GABRG3: variants seen among roughly 807,000 people sequenced by gnomAD.
The protein encoded by GABRG3 is gamma-aminobutyric acid receptor subunit gamma-3.
In GABRG3, 25 loss-of-function variants were observed where a neutral mutation model predicts 48.8. The observed-to-expected ratio is 0.51, with a 90% CI of 0.37 to 0.72. The LOEUF is 0.72. Ranked by LOEUF, GABRG3 falls within the 30% of genes least tolerant of loss-of-function variation. GABRG3 has a pLI of 0.00. For missense variants in GABRG3, 394 were observed against 577.9 expected, an observed-to-expected ratio of 0.68 and a Z score of 3.26; for synonymous variants, 227 against 217.6, an observed-to-expected ratio of 1.04 and a Z score of -0.38.
intron 3 of GABRG3, among the ~76,000 whole-genome samples, chr15:27,144,508 C>T (rs1033092534): frequency 6.6e-6 from 1 of 151,248 alleles, no homozygotes; most frequent in African/African-American, 2.4e-5. Flanking sequence ...TTGTTGAAAA[C>T]TATTTGTCAC....
rs555701224 is a variant in GABRG3 at position 27,520,975 on chromosome 15, A to G, written c.865+851A>G. ...AATTAGCCTGTAATATCCTCTACCT[A>G]TACTAGATTTGCATGCTTATAGAAA... On this transcript the variant is annotated intron_variant, in intron 7 of 9. Coordinates refer to ENST00000615808, the MANE Select transcript of GABRG3 (RefSeq NM_033223.5). 2.6e-5 allele frequency among the ~76,000 whole-genome samples: 4 copies of G among 152,102 alleles called. No homozygotes were observed. The South Asian group carries it at 8.3e-4, about 32-fold the overall frequency.
rs1595742459 is a variant in GABRG3, at chr15:27,419,972, A to G, written c.575-60678A>G. Among the ~76,000 whole-genome samples the G allele has an allele frequency of 4.6e-5, 7 of 152,376 alleles. No homozygotes were observed. In the South Asian group the frequency reaches 1.0e-3, roughly 23 times the overall value. On this transcript the variant is annotated intron_variant, in intron 5 of 9. Transcript: ENST00000615808. ...AATGTTTGATTTTTTAAAAAAAATC[A>G]TAATCTGTTTTCCACTAACTTAAAC...
At chr15:27,198,685 A>G (rs1238271620) in intron 3 of GABRG3, among the ~76,000 whole-genome samples, 1 of 152,210 alleles carries the variant, frequency 6.6e-6, no homozygotes, top group East Asian at 1.9e-4. Context: ...TGCTATAAAG[A>G]TACATGCACA....
chr15:27,055,690 T>C (rs1315617773), intron 3 of GABRG3, among the ~76,000 whole-genome samples: 2 of 152,204 alleles, frequency 1.3e-5, no homozygotes, highest in South Asian at 2.1e-4. Context: ...AGATATTTCA[T>C]TATCTGTATG....
At chr15:26,982,271 C>G (rs1364689569) in intron 2 of GABRG3, among the ~76,000 whole-genome samples, 1 of 152,176 alleles carries the variant, frequency 6.6e-6, no homozygotes, top group Non-Finnish European at 1.5e-5. Context: ...CAAAGATACC[C>G]AAGACTGGTT....
intron 6 of GABRG3, among the ~76,000 whole-genome samples, chr15:27,489,945 C>A (rs77527938): frequency 1.3e-5 from 2 of 152,170 alleles, no homozygotes; most frequent in African/African-American, 4.8e-5. Flanking sequence ...AAGTCTTTGC[C>A]CATGCCTATG....
At chr15:27,300,779 A>G (rs898358408) in intron 3 of GABRG3, among the ~76,000 whole-genome samples, 5 of 151,854 alleles carry the variant, frequency 3.3e-5, no homozygotes, top group Admixed American at 3.3e-4. Context: ...AGCAGCTGGA[A>G]ATTTTAGAAA....
At chr15:27,511,300 G>A (rs769420711) in intron 6 of GABRG3, among the ~76,000 whole-genome samples, 58 of 152,228 alleles carry the variant, frequency 3.8e-4, no homozygotes, top group Non-Finnish European at 6.6e-4. Context: ...GTATATGTGT[G>A]TGAGAGCTGG....
Position 27,347,992 on chromosome 15 carries a change from T to C in GABRG3, c.574+19104T>C, listed in dbSNP as rs141098891. On this transcript the variant is annotated intron_variant, in intron 5 of 9. Transcript: ENST00000615808. ...CATTGTAAGGATGAGTGTGACAACC[T>C]TCAAGCTTTTTTTCATATTAGATTT... 5.3e-3 allele frequency among the ~76,000 whole-genome samples: 810 copies of C among 152,068 alleles called. 7 individuals carry two copies. The highest frequency in any genetic ancestry group is 0.019 in the African/African-American group (769 of 41,438).
At chr15:27,462,380 C>T (rs748465172) in intron 5 of GABRG3, among the ~76,000 whole-genome samples, 3 of 152,116 alleles carry the variant, frequency 2.0e-5, no homozygotes, top group East Asian at 3.8e-4. Context: ...CAATAAATAA[C>T]CGGAACTCTG....
At chr15:27,084,710 G>A (rs751769552) in intron 3 of GABRG3, among the ~76,000 whole-genome samples, 94 of 152,212 alleles carry the variant, frequency 6.2e-4, no homozygotes, top group Non-Finnish European at 1.1e-3. Context: ...TAGGAAAACC[G>A]TCCTCAGCCA....
chr15:27,236,445 G>A lies in GABRG3; in HGVS notation c.271-90364G>A, dbSNP rs749130064. Among the ~76,000 whole-genome samples, 6 of 152,156 alleles carry A rather than the reference G, an allele frequency of 3.9e-5. No homozygotes were observed. Among genetic ancestry groups the A allele is most frequent in the Admixed American group, 6.5e-5 (1 of 15,280 alleles). On this transcript the variant is annotated intron_variant, in intron 3 of 9. Coordinates refer to ENST00000615808, the MANE Select transcript of GABRG3 (RefSeq NM_033223.5). This position sits in a 1 kb window ranked among gnomAD's most constrained non-coding sequence, Gnocchi z 4.4. ...CATGACAGGACAGGAGGTAGGACACGCCTCAGTGTACCCTTCCTCAGTAAC... is the reference window on the plus strand; with the variant it reads ...CATGACAGGACAGGAGGTAGGACACACCTCAGTGTACCCTTCCTCAGTAAC...
At chr15:27,073,789 G>C (rs6606869) in intron 3 of GABRG3, among the ~76,000 whole-genome samples, 31,264 of 152,026 alleles carry the variant, frequency 0.21, 3,326 homozygotes, top group Middle Eastern at 0.26. Flanking sequence ...GGAGATTGGG[G>C]TGTCGGCCCT....
chr15:27,272,657 G>T (rs1333927174), intron 3 of GABRG3, among the ~76,000 whole-genome samples: 1 of 152,110 alleles, frequency 6.6e-6, no homozygotes, highest in Non-Finnish European at 1.5e-5. Context: ...CACCATTCCA[G>T]CCACCTCTGA....
In GABRG3 at chr15:27,309,849, A is replaced by G. The variant is rs117074384; in HGVS notation, c.271-16960A>G. Among the ~76,000 whole-genome samples, 411 of 152,216 alleles carry G rather than the reference A, an allele frequency of 2.7e-3. 18 individuals carry two copies. In the East Asian group the frequency reaches 0.07, roughly 26 times the overall value. On this transcript the variant is annotated intron_variant, in intron 3 of 9. Transcript: ENST00000615808. ...AGAGAGATGAAAAATTTATTTCCAC[A>G]TAAAAACCTGTACATTAATATTTAC...
At chr15:27,007,083 T>C (rs1049382336) in intron 2 of GABRG3, among the ~76,000 whole-genome samples, 19 of 151,968 alleles carry the variant, frequency 1.3e-4, no homozygotes, top group Non-Finnish European at 4.4e-5. Context: ...TGTGTCTTTT[T>C]TTTTTTTGTT....
At chr15:27,512,604 T>C (rs1001722981) in intron 6 of GABRG3, among the ~76,000 whole-genome samples, 1 of 152,220 alleles carries the variant, frequency 6.6e-6, no homozygotes, top group Admixed American at 6.5e-5. Flanking sequence ...TGATAGTATT[T>C]AAACTCCTGC....
At chr15:27,145,603 C>CTATCTCTATCTATCTA (rs1555405976) in intron 3 of GABRG3, among the ~76,000 whole-genome samples, 2 of 102,298 alleles carry the variant, frequency 2.0e-5, no homozygotes, top group East Asian at 4.6e-4. Flanking sequence ...ATATATCTAT[C>CTATCTCTATCTATCTA]TCTATCTATC....
At chr15:27,076,323 T>A (rs918768074) in intron 3 of GABRG3, among the ~76,000 whole-genome samples, 1 of 143,766 alleles carries the variant, frequency 7.0e-6, no homozygotes, top group African/African-American at 2.6e-5. Context: ...ACTGTCTTTT[T>A]TTTTTTTTTT....
Sources: allele counts gnomAD v4.1 joint callset (sites outside exome capture counted in the v4.1 genomes callset), GRCh38; gene constraint gnomAD v4.1.1; non-coding constraint Gnocchi (gnomAD v3.1); transcripts MANE v1.5; gene names NCBI Gene and HGNC (gene_info 2026-07-23, HGNC 2026-07-21).